Variants in CTNNA2 observed in about 807,000 individuals in gnomAD.
CTNNA2 encodes the protein catenin alpha-2.
In CTNNA2, 42 loss-of-function variants were observed where a neutral mutation model predicts 101.0. The observed-to-expected ratio is 0.42, with a 90% CI of 0.32 to 0.54. The LOEUF is 0.54. CTNNA2 is among the 20% of genes least tolerant of loss of function. The probability of loss-of-function intolerance (pLI) is 0.14; values close to 1 mark genes in which losing one functional copy is unlikely to be tolerated. For synonymous variants in CTNNA2, 450 were observed against 456.4 expected, an observed-to-expected ratio of 0.99 and a Z score of 0.18; for missense variants, 871 against 1,223.1, an observed-to-expected ratio of 0.71 and a Z score of 4.29.
At chr2:79,374,327 TG>T (rs1401137194) in intron 4 of CTNNA2, among the ~76,000 whole-genome samples, 1 of 152,180 alleles carries the variant, frequency 6.6e-6, no homozygotes, top group Admixed American at 6.5e-5. Flanking sequence ...GGCATGGATC[TG>T]GTATTTTAGC....
chr2:80,135,882 T>TAACC, intron 7 of CTNNA2, among the ~76,000 whole-genome samples: 1 of 152,266 alleles, frequency 6.6e-6, no homozygotes, highest in Admixed American at 6.5e-5. Flanking sequence ...GCACTCCTTA[T>TAACC]AACCCCAGGG....
chr2:79,823,077 C>G (rs1420590459), intron 3 of CTNNA2, among the ~76,000 whole-genome samples: 3 of 152,108 alleles, frequency 2.0e-5, no homozygotes, highest in Non-Finnish European at 4.4e-5. Flanking sequence ...TCAACTTTAC[C>G]TGGGTCAGAT....
At chr2:79,426,026 G>A (rs907048984) in intron 4 of CTNNA2, among the ~76,000 whole-genome samples, 2 of 152,076 alleles carry the variant, frequency 1.3e-5, no homozygotes, top group Non-Finnish European at 1.5e-5. Context: ...AAAGTTGTAG[G>A]ATTGGTGGCT....
chr2:79,295,087 G>T (rs1675947105), intron 2 of CTNNA2, among the ~76,000 whole-genome samples: 1 of 152,024 alleles, frequency 6.6e-6, no homozygotes, highest in African/African-American at 2.4e-5. Context: ...TGGCTATTCA[G>T]AATATTCACT....
At chr2:79,241,478 C>T (rs1181140355) in intron 2 of CTNNA2, among the ~76,000 whole-genome samples, 1 of 152,020 alleles carries the variant, frequency 6.6e-6, no homozygotes, top group African/African-American at 2.4e-5. Flanking sequence ...ATCTGAAAAA[C>T]AATTGATGAG....
chr2:79,215,083 T>C (rs940932735), intron 2 of CTNNA2, among the ~76,000 whole-genome samples: 8 of 152,268 alleles, frequency 5.3e-5, no homozygotes, highest in South Asian at 2.1e-4. Context: ...AGTCTTCAGC[T>C]GCTAAGCTGA....
intron 2 of CTNNA2, among the ~76,000 whole-genome samples, chr2:79,298,547 A>G (rs1676035576): frequency 6.6e-6 from 1 of 152,088 alleles, no homozygotes; most frequent in Admixed American, 6.5e-5. Context: ...TTCCATCTCA[A>G]CCTCTCTTCA....
intron 7 of CTNNA2, among the ~76,000 whole-genome samples, chr2:79,929,629 A>C (rs17018140): frequency 0.2 from 30,670 of 152,094 alleles, 3,355 homozygotes; most frequent in East Asian, 0.27. Flanking sequence ...CACTTTCATA[A>C]TTTTCTAGAC....
intron 7 of CTNNA2, among the ~76,000 whole-genome samples, chr2:80,188,437 A>G (rs901912130): frequency 1.3e-5 from 2 of 152,158 alleles, no homozygotes; most frequent in African/African-American, 4.8e-5. Flanking sequence ...TGCTGCTGTA[A>G]CAAATTACAA....
chr2:79,751,414 T>C (rs533077203), intron 3 of CTNNA2, among the ~76,000 whole-genome samples: 2 of 151,882 alleles, frequency 1.3e-5, no homozygotes, highest in Admixed American at 1.3e-4. Flanking sequence ...ACCAACATAG[T>C]GAAACCCCGT....
chr2:79,641,394 G>C (rs1025845083), intron 1 of CTNNA2, among the ~76,000 whole-genome samples: 1 of 152,168 alleles, frequency 6.6e-6, no homozygotes, highest in African/African-American at 2.4e-5. Context: ...AATTGCCAAA[G>C]AAGCTATGTT....
chr2:79,800,146 G>T (rs1450658223), intron 3 of CTNNA2, among the ~76,000 whole-genome samples: 1 of 152,178 alleles, frequency 6.6e-6, no homozygotes, highest in African/African-American at 2.4e-5. Flanking sequence ...AACTCTTTAA[G>T]ATGCAGAGTA....
chr2:79,534,689 CTT>C (rs941336252), intron 1 of CTNNA2, among the ~76,000 whole-genome samples: 15 of 151,996 alleles, frequency 9.9e-5, no homozygotes, highest in Non-Finnish European at 1.8e-4. Context: ...CTGAGTTCCT[CTT>C]TTTCATTTTT....
At chr2:79,676,252 G>T (rs528055326) in intron 2 of CTNNA2, among the ~76,000 whole-genome samples, 1 of 152,350 alleles carries the variant, frequency 6.6e-6, no homozygotes, top group African/African-American at 2.4e-5. Context: ...AGAACTGTAA[G>T]TAATCCTCAA....
intron 4 of CTNNA2, among the ~76,000 whole-genome samples, chr2:79,396,900 C>T (rs115092335): frequency 0.036 from 5,492 of 152,186 alleles, 143 homozygotes; most frequent in Non-Finnish European, 0.054. Flanking sequence ...CTGTAGACCA[C>T]GGGATGTAAT....
intron 3 of CTNNA2, among the ~76,000 whole-genome samples, chr2:79,328,169 G>C (rs1311207025): frequency 2.6e-5 from 4 of 152,136 alleles, no homozygotes; most frequent in South Asian, 2.1e-4. Flanking sequence ...GTTCAGAAGA[G>C]AGCACAATAT....
chr2:79,645,255 G>A (rs566240497), intron 1 of CTNNA2, among the ~76,000 whole-genome samples: 1 of 152,220 alleles, frequency 6.6e-6, no homozygotes, highest in South Asian at 2.1e-4. Flanking sequence ...CCAAAGTACT[G>A]GGATTATAGA....
intron 6 of CTNNA2, among the ~76,000 whole-genome samples, chr2:79,907,486 G>A (rs747565782): frequency 1.6e-4 from 25 of 152,188 alleles, no homozygotes; most frequent in Middle Eastern, 3.4e-3. Context: ...ACACTAGTAC[G>A]TATAGCAGGA....
intron 17 of CTNNA2, among the ~76,000 whole-genome samples, chr2:80,609,577 A>C (rs894136485): frequency 1.3e-5 from 2 of 151,764 alleles, no homozygotes; most frequent in African/African-American, 4.8e-5. Flanking sequence ...GGTAATTACC[A>C]AGATTCTCTC....
Sources: allele counts gnomAD v4.1 joint callset (sites outside exome capture counted in the v4.1 genomes callset), GRCh38; gene constraint gnomAD v4.1.1; transcripts MANE v1.5; gene names NCBI Gene and HGNC (gene_info 2026-07-23, HGNC 2026-07-21).